The following STRIP2 variants were observed in gnomAD, a reference collection of about 807,000 sequenced individuals.
STRIP2 encodes the protein striatin-interacting protein 2.
In STRIP2, 84 loss-of-function variants were observed where a neutral mutation model predicts 107.1. The ratio of observed to expected loss-of-function variants is 0.78; its 90% confidence interval spans 0.66 to 0.94. The LOEUF is 0.94. Ranked by LOEUF, STRIP2 falls within the 40% of genes least tolerant of loss-of-function variation. The pLI, the probability that STRIP2 is intolerant of heterozygous loss-of-function variation, is 0.00. For missense variants in STRIP2, 888 were observed against 1,034.2 expected, an observed-to-expected ratio of 0.86 and a Z score of 1.94; for synonymous variants, 394 against 400.4, an observed-to-expected ratio of 0.98 and a Z score of 0.19.
intron 2 of STRIP2, among the ~76,000 whole-genome samples, chr7:129,441,711 C>T (rs1797903310): frequency 6.6e-6 from 1 of 152,160 alleles, no homozygotes; most frequent in Non-Finnish European, 1.5e-5. Context: ...TGGTCATAGG[C>T]ATGCCCTACC....
chr7:129,435,119 G>GT (rs1305473747), intron 1 of STRIP2, among the ~76,000 whole-genome samples: 1 of 152,272 alleles, frequency 6.6e-6, no homozygotes, highest in Admixed American at 6.5e-5. Context: ...CCTTCCCCCC[G>GT]TAAGTCTTAG....
intron 3 of STRIP2, among the ~76,000 whole-genome samples, chr7:129,445,299 T>TGTG (rs1326036309): frequency 1.3e-5 from 2 of 152,100 alleles, no homozygotes; most frequent in Non-Finnish European, 2.9e-5. Flanking sequence ...CAGCCAACAC[T>TGTG]GTAACTCCCT....
chr7:129,462,646 C>T (rs1798571622), intron 13 of STRIP2, among the ~76,000 whole-genome samples: 1 of 152,208 alleles, frequency 6.6e-6, no homozygotes, highest in Non-Finnish European at 1.5e-5. Context: ...ACCTCTCCTT[C>T]CAGGCTTACA....
chr7:129,458,459 G>C lies in STRIP2; in HGVS notation c.1274+9G>C. 1.3e-6 allele frequency: 2 copies of C among 1,555,582 alleles called. No individual in the cohort carries two copies. Among genetic ancestry groups the C allele is most frequent in the Non-Finnish European group, 1.7e-6 (2 of 1,151,134 alleles). On this transcript the variant is annotated intron_variant, in intron 10 of 20. Coordinates refer to ENST00000249344, the MANE Select transcript of STRIP2 (RefSeq NM_020704.3). This position sits in a 1 kb window ranked among gnomAD's most constrained non-coding sequence, Gnocchi z 4.6. ...TGGGCCCCAAAGGTCAGGTAGGTTT[G>C]ATAGCATCAGGGACCCCTATGCTTC...
At chr7:129,468,142 A>G (rs566014032) in intron 17 of STRIP2, among the ~76,000 whole-genome samples, 1 of 152,322 alleles carries the variant, frequency 6.6e-6, no homozygotes, top group African/African-American at 2.4e-5. Flanking sequence ...ATTACAGAGT[A>G]GATCCTTGTT....
chr7:129,450,287 T>A (rs1380593662), intron 3 of STRIP2, among the ~76,000 whole-genome samples: 1 of 152,122 alleles, frequency 6.6e-6, no homozygotes, highest in Non-Finnish European at 1.5e-5. Flanking sequence ...AATATATATA[T>A]ATTAACCTTC....
intron 1 of STRIP2, among the ~76,000 whole-genome samples, chr7:129,437,908 C>G (rs1233589631): frequency 6.6e-6 from 1 of 151,710 alleles, no homozygotes; most frequent in Non-Finnish European, 1.5e-5. Flanking sequence ...CGGGTTCACG[C>G]CATTCTCCTG....
intron 18 of STRIP2, among the ~76,000 whole-genome samples, chr7:129,479,648 C>G (rs1392714518): frequency 6.6e-6 from 1 of 151,772 alleles, no homozygotes; most frequent in African/African-American, 2.4e-5. Context: ...TGCCACCATG[C>G]CCAGCTAATT....
At chr7:129,459,178 T>C (rs1188935238) in intron 11 of STRIP2, among the ~76,000 whole-genome samples, 1 of 152,182 alleles carries the variant, frequency 6.6e-6, no homozygotes, top group Non-Finnish European at 1.5e-5. Flanking sequence ...TCCTTCCCAC[T>C]GGCCTCTTGA....
rs892415843 is a variant in STRIP2 at position 129,485,837 on chromosome 7, C to A, written c.*8C>A. The A allele has an allele frequency of 6.2e-7, 1 of 1,613,396 alleles. No homozygotes were observed. Among genetic ancestry groups the A allele is most frequent in the African/African-American group, 1.3e-5 (1 of 74,916 alleles). ...CTGCTCCAGAATCACTGACTAAGTT[C>A]TTGTCAACAAGCATCAATAGATAGA... On this transcript the variant is annotated 3_prime_UTR_variant, in exon 21 of 21. Coordinates refer to ENST00000249344, the MANE Select transcript of STRIP2 (RefSeq NM_020704.3).
chr7:129,445,865 G>A (rs1798020706), intron 3 of STRIP2, among the ~76,000 whole-genome samples: 2 of 152,170 alleles, frequency 1.3e-5, no homozygotes, highest in Admixed American at 1.3e-4. Flanking sequence ...AGTCTTGGCA[G>A]AAGCATTGCT....
intron 2 of STRIP2, 33 bp downstream of exon 2, chr7:129,440,124 G>C (rs778482790): frequency 1.3e-6 from 2 of 1,586,126 alleles, no homozygotes; most frequent in South Asian, 2.2e-5. Context: ...GCTAGTGGAA[G>C]AATGGCCAGG....
rs978045240 is a variant in STRIP2 at position 129,461,157 on chromosome 7, G to C, written c.1476+785G>C. Among the ~76,000 whole-genome samples, 5 of 152,186 alleles carry C rather than the reference G, an allele frequency of 3.3e-5. No individual in the cohort carries two copies. The highest frequency in any genetic ancestry group is 1.2e-4 in the African/African-American group (5 of 41,450). ...TGCAGTGCATTTGGATGTGGATAGAGAGGCAAAGAAAGGAATCAAGAATAA... is the reference window on the plus strand; with the variant it reads ...TGCAGTGCATTTGGATGTGGATAGACAGGCAAAGAAAGGAATCAAGAATAA... On this transcript the variant is annotated intron_variant, in intron 13 of 20. Coordinates refer to ENST00000249344, the MANE Select transcript of STRIP2 (RefSeq NM_020704.3). The surrounding 1 kb of genome is among the most constrained non-coding windows in gnomAD (Gnocchi z 4.0).
At position 129,458,416 on chromosome 7, in the gene STRIP2, T is replaced by G; in HGVS notation, c.1240T>G (p.Phe414Val). The change falls in exon 10 of 21, where the codon TTT becomes GTT. Residue 414 changes from phenylalanine (F) to valine (V), a missense_variant. Transcript: ENST00000249344. The surrounding 1 kb of genome is among the most constrained non-coding windows in gnomAD (Gnocchi z 4.6). ...ACCCCTCTCTGCTGAGCGGGTGGCTTTTCCCAAGGGCCTGCCCTGGGCCCC... is the reference window on the plus strand; with the variant it reads ...ACCCCTCTCTGCTGAGCGGGTGGCTGTTCCCAAGGGCCTGCCCTGGGCCCC... ...QAPLSAERVA[F>V]PKGLPWAPKV... The G allele has an allele frequency of 6.2e-7, 1 of 1,609,550 alleles. No homozygotes were observed. The highest frequency in any genetic ancestry group is 8.5e-7 in the Non-Finnish European group (1 of 1,178,040).
intron 3 of STRIP2, among the ~76,000 whole-genome samples, chr7:129,447,137 C>A (rs141548654): frequency 6.6e-6 from 1 of 152,168 alleles, no homozygotes; most frequent in African/African-American, 2.4e-5. Flanking sequence ...TCATATGGCC[C>A]AAGTGGCAGA....
At chr7:129,479,189 G>A (rs186619362) in intron 18 of STRIP2, among the ~76,000 whole-genome samples, 9 of 151,442 alleles carry the variant, frequency 5.9e-5, no homozygotes, top group Non-Finnish European at 1.2e-4. Flanking sequence ...CAGGAGAATT[G>A]CTTGAACCTG....
At chr7:129,473,000 T>C (rs1798830969) in intron 18 of STRIP2, among the ~76,000 whole-genome samples, 2 of 151,888 alleles carry the variant, frequency 1.3e-5, no homozygotes, top group Admixed American at 1.3e-4. Context: ...TTGGCCAGGC[T>C]GGTCTCGAAC....
intron 18 of STRIP2, among the ~76,000 whole-genome samples, chr7:129,471,647 G>A (rs746074543): frequency 6.6e-6 from 1 of 152,174 alleles, no homozygotes; most frequent in Admixed American, 6.5e-5. Flanking sequence ...ATAGAACCAT[G>A]GGATTCTTGG....
At chr7:129,472,804 T>TTTTTG (rs1562914059) in intron 18 of STRIP2, among the ~76,000 whole-genome samples, 2 of 136,698 alleles carry the variant, frequency 1.5e-5, no homozygotes, top group Non-Finnish European at 3.2e-5. Flanking sequence ...TTTTTTTTTT[T>TTTTTG]GAGACAGAGT....
Sources: allele counts gnomAD v4.1 joint callset (sites outside exome capture counted in the v4.1 genomes callset), GRCh38; gene constraint gnomAD v4.1.1; non-coding constraint Gnocchi (gnomAD v3.1); transcripts MANE v1.5; gene names NCBI Gene and HGNC (gene_info 2026-07-23, HGNC 2026-07-21).